The following ADAMTSL1 variants were observed in gnomAD, a reference collection of about 807,000 sequenced individuals.
The protein encoded by ADAMTSL1 is ADAMTS-like protein 1.
In ADAMTSL1, 126 loss-of-function variants were observed where a neutral mutation model predicts 201.8. The observed-to-expected ratio is 0.62, with a 90% CI of 0.54 to 0.72. ADAMTSL1 has a LOEUF of 0.72. Ranked by LOEUF, ADAMTSL1 falls within the 30% of genes least tolerant of loss-of-function variation. The pLI is 0.00. For synonymous variants in ADAMTSL1, 1,121 were observed against 903.4 expected (o/e 1.24, Z -4.32); for missense variants, 2,679 against 2,277.8 (o/e 1.18, Z -3.59).
intron 2 of ADAMTSL1, among the ~76,000 whole-genome samples, chr9:18,317,591 C>T (rs1204671490): frequency 1.3e-5 from 2 of 152,144 alleles, no homozygotes; most frequent in African/African-American, 4.8e-5. Context: ...GCAGGGAGCC[C>T]TTCAGGTATT....
intron 16 of ADAMTSL1, among the ~76,000 whole-genome samples, chr9:18,757,537 C>T (rs1819843624): frequency 6.6e-6 from 1 of 152,096 alleles, no homozygotes; most frequent in Non-Finnish European, 1.5e-5. Flanking sequence ...GCGCATCTGT[C>T]CCTGCCCTGT....
chr9:18,664,492 C>T (rs180774941), intron 9 of ADAMTSL1, among the ~76,000 whole-genome samples: 28 of 152,156 alleles, frequency 1.8e-4, no homozygotes, highest in Admixed American at 1.1e-3. Flanking sequence ...GGAAAACCAA[C>T]GTTCTTGGTA....
At chr9:18,000,003 A>G (rs1819548934) in intron 1 of ADAMTSL1, among the ~76,000 whole-genome samples, 2 of 145,104 alleles carry the variant, frequency 1.4e-5, no homozygotes, top group Non-Finnish European at 3.0e-5. Flanking sequence ...CCAGTCTATC[A>G]TTGTTGGACA....
At chr9:18,881,050 T>A (rs1041144176) in intron 23 of ADAMTSL1, among the ~76,000 whole-genome samples, 4 of 152,224 alleles carry the variant, frequency 2.6e-5, no homozygotes, top group African/African-American at 9.6e-5. Flanking sequence ...CTTCATAGAA[T>A]TGAAGAGAGG....
chr9:18,471,815 C>T (rs1361110743), upstream of ADAMTSL1, among the ~76,000 whole-genome samples: 1 of 152,144 alleles, frequency 6.6e-6, no homozygotes, highest in African/African-American at 2.4e-5. Context: ...GACCATCTTG[C>T]TGTACATTAG....
chr9:17,950,187 G>A (rs1045113620), intron 1 of ADAMTSL1, among the ~76,000 whole-genome samples: 4 of 151,988 alleles, frequency 2.6e-5, no homozygotes, highest in Non-Finnish European at 5.9e-5. Flanking sequence ...GATTACAGGC[G>A]TGAGCCACTG....
chr9:17,927,001 C>T (rs1175675151), intron 1 of ADAMTSL1, among the ~76,000 whole-genome samples: 3 of 152,182 alleles, frequency 2.0e-5, no homozygotes, highest in African/African-American at 7.2e-5. Context: ...TACCATCCGT[C>T]TCCAGAGCTC....
intron 1 of ADAMTSL1, among the ~76,000 whole-genome samples, chr9:18,109,158 A>C (rs12353178): frequency 0.26 from 39,264 of 152,146 alleles, 6,543 homozygotes; most frequent in Non-Finnish European, 0.37. Flanking sequence ...CCTAATTTGA[A>C]GTTTGTTGGA....
intron 1 of ADAMTSL1, among the ~76,000 whole-genome samples, chr9:18,031,007 C>T (rs1820927764): frequency 6.6e-6 from 1 of 152,086 alleles, no homozygotes; most frequent in Admixed American, 6.5e-5. Flanking sequence ...TTTTCAACTC[C>T]AGAAGTCCAC....
At chr9:18,569,498 T>C (rs1822162282) in intron 3 of ADAMTSL1, among the ~76,000 whole-genome samples, 2 of 152,174 alleles carry the variant, frequency 1.3e-5, no homozygotes, top group African/African-American at 4.8e-5. Context: ...CAGGTATATT[T>C]AGAGTTTATT....
chr9:18,221,173 C>T (rs977161349), intron 2 of ADAMTSL1, among the ~76,000 whole-genome samples: 1 of 152,158 alleles, frequency 6.6e-6, no homozygotes, highest in Non-Finnish European at 1.5e-5. Flanking sequence ...TGTTTAATTT[C>T]AATCACCTCA....
intron 1 of ADAMTSL1, among the ~76,000 whole-genome samples, chr9:18,077,024 T>C (rs571974194): frequency 1.3e-5 from 2 of 152,220 alleles, no homozygotes; most frequent in South Asian, 4.2e-4. Context: ...AGGTTCCTGG[T>C]GTCTTTAAAC....
intron 3 of ADAMTSL1, among the ~76,000 whole-genome samples, chr9:18,558,930 GC>G (rs1437207622): frequency 6.6e-6 from 1 of 151,950 alleles, no homozygotes; most frequent in African/African-American, 2.4e-5. Flanking sequence ...TGAATAGATT[GC>G]AAAAAATTTC....
intron 14 of ADAMTSL1, among the ~76,000 whole-genome samples, chr9:18,709,061 G>A (rs192086589): frequency 6.6e-6 from 1 of 152,076 alleles, no homozygotes; most frequent in African/African-American, 2.4e-5. Context: ...TCCAAAGCAG[G>A]GTAAAGTTAC....
At chr9:18,220,182 T>C (rs912010649) in intron 2 of ADAMTSL1, among the ~76,000 whole-genome samples, 4 of 152,200 alleles carry the variant, frequency 2.6e-5, no homozygotes, top group African/African-American at 7.2e-5. Context: ...ACCTGCTTCA[T>C]TGATCAGTTT....
chr9:18,821,825 G>A (rs369864543), intron 21 of ADAMTSL1, among the ~76,000 whole-genome samples: 2 of 152,096 alleles, frequency 1.3e-5, no homozygotes, highest in African/African-American at 2.4e-5. Flanking sequence ...TTGACACACC[G>A]CCATGGTGCA....
intron 2 of ADAMTSL1, among the ~76,000 whole-genome samples, chr9:18,337,555 G>A (rs1835294146): frequency 1.3e-5 from 2 of 152,114 alleles, no homozygotes; most frequent in African/African-American, 4.8e-5. Context: ...AGGAAACTGA[G>A]ACACAGTGAA....
At chr9:18,536,936 G>A (rs2132128550) in intron 3 of ADAMTSL1, among the ~76,000 whole-genome samples, 1 of 148,108 alleles carries the variant, frequency 6.8e-6, no homozygotes, top group African/African-American at 2.4e-5. Context: ...TGTTTTTTTT[G>A]CACTATCCTT....
intron 3 of ADAMTSL1, among the ~76,000 whole-genome samples, chr9:18,553,226 C>G (rs202091111): frequency 1.2e-5 from 1 of 86,492 alleles, no homozygotes; most frequent in Non-Finnish European, 2.5e-5. Context: ...TTTTTTTTTT[C>G]TTATTATACT....
Sources: gnomAD v4.1 joint callset for allele counts (sites outside exome capture counted in the v4.1 genomes callset) on GRCh38, gnomAD v4.1.1 for gene constraint, MANE v1.5 for transcripts, NCBI Gene and HGNC (gene_info 2026-07-23, HGNC 2026-07-21) for gene names.